The following CNTNAP5 variants were observed in gnomAD, a reference collection of about 807,000 sequenced individuals.
The protein encoded by CNTNAP5 is contactin associated protein family member 5, also known as contactin-associated protein-like 5.
A neutral mutation model predicts 150.2 loss-of-function variants in CNTNAP5; 72 were observed. That is an observed-to-expected ratio of 0.48 (90% CI 0.40 to 0.58). The LOEUF is 0.58. Among genes scored for constraint, CNTNAP5 ranks in the 20% least tolerant of loss-of-function variants. The pLI is 0.00. For synonymous variants in CNTNAP5, 672 were observed against 619.8 expected, an observed-to-expected ratio of 1.08 and a Z score of -1.25; for missense variants, 1,636 against 1,626.2, an observed-to-expected ratio of 1.01 and a Z score of -0.10.
chr2:124,330,246 T>C (rs1573920238), intron 3 of CNTNAP5, among the ~76,000 whole-genome samples: 1 of 152,186 alleles, frequency 6.6e-6, no homozygotes, highest in South Asian at 2.1e-4. Flanking sequence ...TTGGAAGATA[T>C]AATATTCCAG....
At chr2:124,904,995 G>A (rs1347863763) in intron 22 of CNTNAP5, among the ~76,000 whole-genome samples, 2 of 145,334 alleles carry the variant, frequency 1.4e-5, no homozygotes, top group Non-Finnish European at 3.0e-5. Context: ...ACTGATGAAG[G>A]GTTAGTATCC....
chr2:124,832,897 CTTTTTCTTTT>C (rs1682746258), intron 19 of CNTNAP5, among the ~76,000 whole-genome samples: 1 of 149,064 alleles, frequency 6.7e-6, no homozygotes, highest in Admixed American at 6.7e-5. Context: ...TCTGAACTTT[CTTTTTCTTTT>C]TTTTTCTTTT....
At chr2:124,070,396 G>GAAA (rs70996039) in intron 1 of CNTNAP5, among the ~76,000 whole-genome samples, 36 of 72,954 alleles carry the variant, frequency 4.9e-4, no homozygotes, top group East Asian at 1.3e-3. Flanking sequence ...GCTGAATGGG[G>GAAA]AAAAAAAAAA....
chr2:124,376,420 G>A (rs900197763), intron 3 of CNTNAP5, among the ~76,000 whole-genome samples: 2 of 152,048 alleles, frequency 1.3e-5, no homozygotes, highest in Non-Finnish European at 2.9e-5. Flanking sequence ...TTTCATTTGG[G>A]TAAGTGGAGG....
At chr2:124,572,628 A>G (rs1215634327) in intron 11 of CNTNAP5, among the ~76,000 whole-genome samples, 9 of 152,218 alleles carry the variant, frequency 5.9e-5, no homozygotes, top group Non-Finnish European at 2.9e-5. Context: ...GGGTTCACCC[A>G]GTGCTCTAGC....
intron 15 of CNTNAP5, 87 bp downstream of exon 15, chr2:124,763,886 G>A: frequency 6.3e-7 from 1 of 1,593,344 alleles, no homozygotes; most frequent in African/African-American, 1.3e-5. Flanking sequence ...CCTGCAGTGT[G>A]CCCTAGTCTT....
chr2:124,700,550 G>A (rs1679500129), intron 13 of CNTNAP5, among the ~76,000 whole-genome samples: 1 of 152,020 alleles, frequency 6.6e-6, no homozygotes. Flanking sequence ...AGTTATCCTA[G>A]TGGGTGTGAA....
intron 11 of CNTNAP5, among the ~76,000 whole-genome samples, chr2:124,609,362 G>A (rs1002873150): frequency 6.6e-6 from 1 of 152,198 alleles, no homozygotes; most frequent in African/African-American, 2.4e-5. Context: ...ACTGAGGCAG[G>A]AGAATCAGTT....
intron 1 of CNTNAP5, among the ~76,000 whole-genome samples, chr2:124,159,576 A>C (rs1684626270): frequency 6.6e-6 from 1 of 152,216 alleles, no homozygotes; most frequent in South Asian, 2.1e-4. Flanking sequence ...TGACCATGTT[A>C]AGTTATTTAA....
rs374747274 is a variant in CNTNAP5 at position 124,404,823 on chromosome 2, A to C, written c.382-12620A>C. ...TCACTCTCTCTGTGACCATTACAAG[A>C]AACTTAACTTCTCTAAGCCTCAAGT... On this transcript the variant is annotated intron_variant, in intron 3 of 23. Transcript: ENST00000682447. Among the ~76,000 whole-genome samples the C allele has an allele frequency of 2.6e-5, 4 of 152,290 alleles. No individual in the cohort carries two copies. The South Asian group carries it at 8.3e-4, about 32-fold the overall frequency.
At chr2:124,062,193 A>C (rs73952576) in intron 1 of CNTNAP5, among the ~76,000 whole-genome samples, 1,552 of 152,224 alleles carry the variant, frequency 0.01, 28 homozygotes, top group African/African-American at 0.036. Flanking sequence ...ATATCACAAA[A>C]CCTTTGTCCT....
chr2:124,797,227 A>G, intron 18 of CNTNAP5, among the ~76,000 whole-genome samples: 1 of 152,210 alleles, frequency 6.6e-6, no homozygotes, highest in East Asian at 1.9e-4. Flanking sequence ...TGAGACTCAG[A>G]TCCAGTGCTG....
chr2:124,566,398 A>C (rs779165644), intron 11 of CNTNAP5, among the ~76,000 whole-genome samples: 1 of 152,170 alleles, frequency 6.6e-6, no homozygotes, highest in African/African-American at 2.4e-5. Flanking sequence ...TACTTCATCC[A>C]TCAGGCTAAA....
In CNTNAP5 at chr2:124,577,409, T is replaced by C. The variant is rs543465766; in HGVS notation, c.1756+14086T>C. Among the ~76,000 whole-genome samples the C allele has an allele frequency of 9.6e-4, 146 of 152,334 alleles. 2 individuals carry two copies. In the South Asian group the frequency reaches 0.013, roughly 13 times the overall value. The stretch of plus-strand genomic sequence containing the variant: ...TGGCTGTTGTTATGACATAATTTCA[T>C]TGAGATATTTATTTTTATTCAACAC... On this transcript the variant is annotated intron_variant, in intron 11 of 23. Coordinates refer to ENST00000682447, the MANE Select transcript of CNTNAP5 (RefSeq NM_001367498.1).
Position 124,768,070 on chromosome 2 carries a change from C to T in CNTNAP5, c.2533+3923C>T, listed in dbSNP as rs552478349. Reference sequence around the variant, plus strand: ...AGAGTGGGCTAGCTTCCCCTGAAGCCCATGGGAATGGGAAAGAGGGAAGAG... The same window carrying T: ...AGAGTGGGCTAGCTTCCCCTGAAGCTCATGGGAATGGGAAAGAGGGAAGAG... On this transcript the variant is annotated intron_variant, in intron 16 of 23. Transcript: ENST00000682447. Among the ~76,000 whole-genome samples the T allele has an allele frequency of 3.3e-5, 5 of 152,166 alleles. No individual in the cohort carries two copies. In the South Asian group the frequency reaches 1.0e-3, roughly 32 times the overall value.
At chr2:124,583,048 A>C (rs1298363381) in intron 11 of CNTNAP5, among the ~76,000 whole-genome samples, 1 of 152,152 alleles carries the variant, frequency 6.6e-6, no homozygotes, top group Non-Finnish European at 1.5e-5. Flanking sequence ...AAACTTTTAT[A>C]ACTGTGATTG....
rs1553434465 is a variant in CNTNAP5 at position 124,713,285 on chromosome 2, CT to C, written c.2078-33941del. ...TCTTTCTTTCTTTCTTTCTTTCTTTCTTTCTTTCTTTCTTTCTTCTTTCTCT... is the reference window on the plus strand; with the variant it reads ...TCTTTCTTTCTTTCTTTCTTTCTTTCTTCTTTCTTTCTTTCTTCTTTCTCT... On this transcript the variant is annotated intron_variant, in intron 13 of 23. Coordinates refer to ENST00000682447, the MANE Select transcript of CNTNAP5 (RefSeq NM_001367498.1). 1.4e-3 allele frequency among the ~76,000 whole-genome samples: 152 copies of C among 104,974 alleles called. 1 individual carries two copies. Among genetic ancestry groups the C allele is most frequent in the Admixed American group, 2.4e-3 (24 of 9,922 alleles). 68.9% of individuals were successfully genotyped at this position (104,974 alleles called of 152,430 possible). A position where few individuals can be genotyped will look rare whatever the true frequency, so the allele number is the denominator to read the frequency against.
chr2:124,708,035 G>A (rs1482527979), intron 13 of CNTNAP5, among the ~76,000 whole-genome samples: 2 of 152,130 alleles, frequency 1.3e-5, no homozygotes, highest in African/African-American at 4.8e-5. Context: ...CCTACATGAT[G>A]GTGTTTTGTT....
intron 3 of CNTNAP5, among the ~76,000 whole-genome samples, chr2:124,264,279 C>T (rs951096915): frequency 2.0e-5 from 3 of 152,038 alleles, no homozygotes; most frequent in African/African-American, 7.2e-5. Flanking sequence ...CAAATGGCCA[C>T]TTCCTGTAAC....
Sources: gnomAD v4.1 joint callset for allele counts (sites outside exome capture counted in the v4.1 genomes callset) on GRCh38, gnomAD v4.1.1 for gene constraint, MANE v1.5 for transcripts, NCBI Gene and HGNC (gene_info 2026-07-23, HGNC 2026-07-21) for gene names.